The following SDC4 variants were observed in gnomAD, a reference collection of about 807,000 sequenced individuals.
SDC4 encodes syndecan 4, also known as syndecan-4.
SDC4 carries 17 observed loss-of-function variants against 20.5 expected under a neutral mutation model. The ratio of observed to expected loss-of-function variants is 0.83; its 90% CI spans 0.57 to 1.25. The LOEUF (loss-of-function observed/expected upper bound fraction) is 1.25, where lower values mean the gene tolerates loss of function less well. Ranked by LOEUF, SDC4 falls within the 50% of genes most tolerant of loss-of-function variation. SDC4 has a pLI of 0.00. For missense variants in SDC4, 241 were observed against 252.3 expected (o/e 0.96, Z 0.30); for synonymous variants, 107 against 105.3 (o/e 1.02, Z -0.10).
At chr20:45,339,497 C>T (rs372442360) in intron 1 of SDC4, among the ~76,000 whole-genome samples, 122 of 152,342 alleles carry the variant, frequency 8.0e-4, no homozygotes, top group African/African-American at 2.8e-3. Flanking sequence ...TGGCTTAATC[C>T]CAACATTTTG....
rs1353776934 is a variant in SDC4 at position 45,330,265 on chromosome 20, C to A, written c.445+101G>T. On this transcript the variant is annotated intron_variant, in intron 4 of 4. Coordinates refer to ENST00000372733, the MANE Select transcript of SDC4 (RefSeq NM_002999.4). ...CTGAATAGGCAAAAGGAAGGGGCAC[C>A]AAGGAGCCTCATGGCTGGAGGCATC... The A allele has an allele frequency of 2.4e-5, 26 of 1,070,112 alleles. No homozygotes were observed. In the Admixed American group the frequency reaches 3.1e-4, roughly 13 times the overall value. The allele number at this position is 1,070,112 out of a possible 1,614,324, so 66.3% of individuals were successfully genotyped here.
At position 45,326,961 on chromosome 20, in the gene SDC4, T is replaced by C. The variant is rs991441552; in HGVS notation, c.*303A>G. 22 of 274,970 alleles carry C rather than the reference T, an allele frequency of 8.0e-5. No individual in the cohort carries two copies. The highest frequency in any genetic ancestry group is 7.0e-5 in the South Asian group (1 of 14,328). 17.0% of individuals were successfully genotyped at this position (274,970 alleles called of 1,614,324 possible). ...AGCTCTGGATGAGGCATGGTCAGTA[T>C]GGGCTTGAGGGCGGACCTAGATTCT... is the stretch of plus-strand genomic sequence containing the variant. On this transcript the variant is annotated 3_prime_UTR_variant, in exon 5 of 5. Coordinates refer to ENST00000372733, the MANE Select transcript of SDC4 (RefSeq NM_002999.4).
At chr20:45,338,993 A>T (rs1475291610) in intron 1 of SDC4, among the ~76,000 whole-genome samples, 4 of 152,084 alleles carry the variant, frequency 2.6e-5, no homozygotes, top group Non-Finnish European at 4.4e-5. Flanking sequence ...CAGGGAATTA[A>T]ATCTCTCCTT....
intron 2 of SDC4, among the ~76,000 whole-genome samples, chr20:45,333,748 A>T (rs992220506): frequency 1.3e-5 from 2 of 152,206 alleles, no homozygotes; most frequent in African/African-American, 4.8e-5. Flanking sequence ...ACAATATATC[A>T]TTAACATCTT....
rs765129522 is a variant in SDC4, at chr20:45,328,852, C to A, written c.446-1437G>T. ...AAAGTACCCCCAGGAGGTGCCAGAG[C>A]AAGCACATGGAATATCAGGCATCAA... On this transcript the variant is annotated intron_variant, in intron 4 of 4. Transcript: ENST00000372733. Among the ~76,000 whole-genome samples, 127 of 152,324 alleles carry A rather than the reference C, an allele frequency of 8.3e-4. 1 individual carries two copies. Among genetic ancestry groups the A allele is most frequent in the African/African-American group, 2.8e-3 (117 of 41,572 alleles).
intron 3 of SDC4, among the ~76,000 whole-genome samples, chr20:45,332,068 C>T (rs146642011): frequency 1.3e-5 from 2 of 152,126 alleles, no homozygotes; most frequent in African/African-American, 4.8e-5. Flanking sequence ...TATTACGCAG[C>T]CTATAAAAAT....
rs1987696974 is a variant in SDC4 at position 45,326,756 on chromosome 20, T to A, written c.*508A>T. 6.5e-6 allele frequency: 1 copy of A among 152,774 alleles called. No individual in the cohort carries two copies. Among genetic ancestry groups the A allele is most frequent in the Non-Finnish European group, 1.5e-5 (1 of 68,188 alleles). 9.5% of individuals were successfully genotyped at this position (152,774 alleles called of 1,614,324 possible). ...TGGCCCCAGGTATATACCACAGAGA[T>A]TCCCGTAGTGTGATCACAAGTACCC... On this transcript the variant is annotated 3_prime_UTR_variant, in exon 5 of 5. Transcript: ENST00000372733.
At chr20:45,345,298 G>C (rs966238086) in intron 1 of SDC4, 1 of 152,176 alleles carries the variant, frequency 6.6e-6, no homozygotes, top group East Asian at 1.9e-4. Context: ...TCAAGAGAGA[G>C]ACCTCTTTTG....
intron 1 of SDC4, among the ~76,000 whole-genome samples, chr20:45,342,485 C>T (rs1987968000): frequency 6.6e-6 from 1 of 152,230 alleles, no homozygotes; most frequent in Non-Finnish European, 1.5e-5. Context: ...ACATACCAGC[C>T]TCTCCCTGCC....
chr20:45,335,144 C>T, intron 2 of SDC4, among the ~76,000 whole-genome samples: 1 of 151,178 alleles, frequency 6.6e-6, no homozygotes, highest in Non-Finnish European at 1.5e-5. Context: ...CCACTCATGC[C>T]CCCTCCCACC....
In SDC4 at chr20:45,336,684, G is replaced by T. The variant is rs894920348; in HGVS notation, c.61-764C>A. ...ATGCTACACTCCAGGGCTCTGTGAT[G>T]CAGTGGCAGCTGATTCACACAGGAC... On this transcript the variant is annotated intron_variant, in intron 1 of 4. Transcript: ENST00000372733. 4.6e-5 allele frequency among the ~76,000 whole-genome samples: 7 copies of T among 152,082 alleles called. No homozygotes were observed. In the South Asian group the frequency reaches 1.5e-3, roughly 32 times the overall value.
intron 1 of SDC4, among the ~76,000 whole-genome samples, chr20:45,342,174 G>A (rs1987961996): frequency 6.6e-6 from 1 of 152,188 alleles, no homozygotes; most frequent in South Asian, 2.1e-4. Flanking sequence ...TGTTCTCAGA[G>A]CAGAGTAGAG....
rs1987762606 is a variant in SDC4, at chr20:45,330,562, C to T, written c.249G>A (p.Val83=). 3 of 1,613,942 alleles carry T rather than the reference C, an allele frequency of 1.9e-6. No homozygotes were observed. Among genetic ancestry groups the T allele is most frequent in the Non-Finnish European group, 2.5e-6 (3 of 1,179,916 alleles). ...TCTCAGGGATATGGTTATCTAGAGG[C>T]ACCTGGATGGGCGGAAAGGAGAAGA... ...MIGPEVVHPL[V]PLDNHIPERA... Residue 83 remains valine, a splice_region_variant and synonymous_variant, in exon 4 of 5, where the codon GTG becomes GTA. Transcript: ENST00000372733.
intron 1 of SDC4, among the ~76,000 whole-genome samples, chr20:45,342,353 C>G (rs961263548): frequency 1.3e-5 from 2 of 152,214 alleles, no homozygotes; most frequent in African/African-American, 4.8e-5. Context: ...AGTATCCCCA[C>G]TCTGGGTAGC....
intron 2 of SDC4, 29 bp downstream of exon 2, chr20:45,335,753 C>T (rs556321944): frequency 1.2e-5 from 19 of 1,609,928 alleles, no homozygotes; most frequent in Middle Eastern, 1.9e-4. Flanking sequence ...CAGCTTTGTG[C>T]CTACGCCTGC....
At chr20:45,337,042 C>T (rs1409771169) in intron 1 of SDC4, among the ~76,000 whole-genome samples, 2 of 152,112 alleles carry the variant, frequency 1.3e-5, no homozygotes, top group East Asian at 3.9e-4. Flanking sequence ...CAGGTCCACT[C>T]CCACCAAACC....
chr20:45,329,243 T>C (rs1325545837), intron 4 of SDC4, among the ~76,000 whole-genome samples: 1 of 152,160 alleles, frequency 6.6e-6, no homozygotes, highest in Non-Finnish European at 1.5e-5. Flanking sequence ...AATGGAAGAT[T>C]AAAGAGATAA....
intron 1 of SDC4, among the ~76,000 whole-genome samples, chr20:45,347,967 C>G (rs371418256): frequency 3.9e-5 from 6 of 151,978 alleles, no homozygotes; most frequent in Non-Finnish European, 5.9e-5. Context: ...GCCCCGAGAG[C>G]GAGGAGGGGA....
chr20:45,327,320 C>T lies in SDC4; in HGVS notation c.541G>A (p.Asp181Asn). The T allele has an allele frequency of 1.2e-6, 2 of 1,614,200 alleles. No homozygotes were observed. The highest frequency in any genetic ancestry group is 1.7e-6 in the Non-Finnish European group (2 of 1,180,036). ...RMKKKDEGSYDLGKKPIYKKA... is the reference protein window; with the variant it reads ...RMKKKDEGSYNLGKKPIYKKA... Reference sequence around the variant, plus strand: ...TTGTAGATGGGTTTCTTGCCCAGGTCATAGCTGCCTTCATCCTTCTTCTTC... The same window carrying T: ...TTGTAGATGGGTTTCTTGCCCAGGTTATAGCTGCCTTCATCCTTCTTCTTC... The change falls in exon 5 of 5, where the codon GAC (aspartate) becomes AAC (asparagine). Residue 181 changes from aspartate (D) to asparagine (N), a missense_variant. Coordinates refer to ENST00000372733, the MANE Select transcript of SDC4 (RefSeq NM_002999.4).
Sources: gnomAD v4.1 joint callset for allele counts (sites outside exome capture counted in the v4.1 genomes callset) on GRCh38, gnomAD v4.1.1 for gene constraint, MANE v1.5 for transcripts, NCBI Gene and HGNC (gene_info 2026-07-23, HGNC 2026-07-21) for gene names.